The following CACNB3 variants were observed in gnomAD, a reference collection of about 807,000 sequenced individuals.
CACNB3 encodes voltage-dependent L-type calcium channel subunit beta-3.
In CACNB3, 36 loss-of-function variants were observed where a neutral mutation model predicts 63.7. The observed-to-expected ratio is 0.57, with a 90% CI of 0.43 to 0.75. CACNB3 has a LOEUF of 0.75. Ranked by LOEUF, CACNB3 falls within the 30% of genes least tolerant of loss-of-function variation. The probability of loss-of-function intolerance (pLI) is 0.00; values close to 1 mark genes in which losing one functional copy is unlikely to be tolerated. For synonymous variants in CACNB3, 241 were observed against 250.6 expected (o/e 0.96, Z 0.36); for missense variants, 493 against 648.6 (o/e 0.76, Z 2.61).
At chr12:48,814,949 A>T, upstream of CACNB3, 1 of 190,068 alleles carries the variant, frequency 5.3e-6, no homozygotes, top group Non-Finnish European at 1.1e-5. The surrounding 1 kb of genome is among the most constrained non-coding windows in gnomAD (Gnocchi z 6.9). Context: ...ACCAGAACCC[A>T]GGAGAGGGGG....
At chr12:48,824,159 C>A in intron 3 of CACNB3, 99 bp from the exon 4 acceptor site, 2 of 1,019,640 alleles carry the variant, frequency 2.0e-6, no homozygotes, top group Non-Finnish European at 2.9e-6. Flanking sequence ...ATTCCTCAGA[C>A]CAGCTCAGTG....
chr12:48,824,296 A>G lies in CACNB3; in HGVS notation c.330A>G (p.Lys110=), dbSNP rs1393604392. 4 of 1,613,400 alleles carry G rather than the reference A, an allele frequency of 2.5e-6. No homozygotes were observed. Among genetic ancestry groups the G allele is most frequent in the South Asian group, 1.1e-5 (1 of 90,800 alleles). ...SNDWWIGRLV[K]EGGDIAFIPS... ...ACTGGTGGATCGGGCGGCTAGTGAA[A>G]GAGGGCGGGGACATCGCCTTCATCC... Residue 110 remains lysine (K), a synonymous_variant, in exon 4 of 13, where the codon AAA becomes AAG. Coordinates refer to ENST00000301050, the MANE Select transcript of CACNB3 (RefSeq NM_000725.4).
Position 48,824,744 on chromosome 12 carries a change from C to T in CACNB3, c.472+11C>T. 6.2e-7 allele frequency: 1 copy of T among 1,613,184 alleles called. No homozygotes were observed. Among genetic ancestry groups the T allele is most frequent in the Non-Finnish European group, 8.5e-7 (1 of 1,179,560 alleles). Reference sequence around the variant, plus strand: ...CTCCGCCATCTCTAGGTAGCCTCCCCCCAACCCACCCATTTTGGGTAGGTG... The same window carrying T: ...CTCCGCCATCTCTAGGTAGCCTCCCTCCAACCCACCCATTTTGGGTAGGTG... On this transcript the variant is annotated intron_variant, in intron 5 of 12. Transcript: ENST00000301050.
Position 48,823,268 on chromosome 12 carries a change from CTG to C in CACNB3, c.46-74_46-73del. ...GAAACTGGGGGCAATAGAGGCAACA[CTG>C]TAAGGTGAGGAGGGTGCCTCCATGG... is the stretch of plus-strand genomic sequence containing the variant. On this transcript the variant is annotated intron_variant, in intron 1 of 12. Transcript: ENST00000301050. The surrounding 1 kb of genome is among the most constrained non-coding windows in gnomAD (Gnocchi z 4.2). 6.4e-7 allele frequency: 1 copy of C among 1,561,408 alleles called. No individual in the cohort carries two copies. Among genetic ancestry groups the C allele is most frequent in the Admixed American group, 1.8e-5 (1 of 55,494 alleles).
chr12:48,824,701 T>A lies in CACNB3; in HGVS notation c.440T>A (p.Ile147Asn), dbSNP rs1158914883. 1 of 1,613,820 alleles carries A rather than the reference T, an allele frequency of 6.2e-7. No individual in the cohort carries two copies. The highest frequency in any genetic ancestry group is 1.7e-5 in the Admixed American group (1 of 59,986). ...GGGAACCCTTCCAGCCTGAGTGACA[T>A]TGGCAACCGACGCTCCCCTCCGCCA... Reference protein sequence around the residue: ...RSGNPSSLSDIGNRRSPPPSL... With the variant: ...RSGNPSSLSDNGNRRSPPPSL... The change falls in exon 5 of 13, where the codon ATT becomes AAT. Residue 147 changes from isoleucine to asparagine, a missense_variant. Ile to Asn is a moderately radical substitution (Grantham distance 149). Transcript: ENST00000301050.
intron 4 of CACNB3, 61 bp downstream of exon 4, chr12:48,824,434 C>T: frequency 7.1e-7 from 1 of 1,416,104 alleles, no homozygotes; most frequent in Non-Finnish European, 9.7e-7. Flanking sequence ...ACCCACAGGA[C>T]ACGTCACCAT....
chr12:48,824,090 T>TG (rs1407656291), intron 3 of CACNB3, 168 bp from the exon 4 acceptor site: 29 of 689,082 alleles, frequency 4.2e-5, no homozygotes, highest in Non-Finnish European at 7.0e-5. Context: ...AAATCCTGGG[T>TG]GGCCCGAACT....
chr12:48,819,348 G>A (rs1243753354), intron 1 of CACNB3, among the ~76,000 whole-genome samples: 2 of 152,144 alleles, frequency 1.3e-5, no homozygotes, highest in African/African-American at 4.8e-5. Flanking sequence ...GAACACAACA[G>A]CTAGGAGAGC....
chr12:48,815,427 GGA>G, upstream of CACNB3: 1 of 719,230 alleles, frequency 1.4e-6, no homozygotes, highest in Middle Eastern at 4.2e-4. Flanking sequence ...AGACGGAAGT[GGA>G]GAGAGGCTGG....
chr12:48,818,569 C>T lies in CACNB3; in HGVS notation c.-361C>T. 9.4e-7 allele frequency: 1 copy of T among 1,066,102 alleles called. No homozygotes were observed. The highest frequency in any genetic ancestry group is 1.1e-6 in the Non-Finnish European group (1 of 882,812). 66.0% of individuals were successfully genotyped at this position (1,066,102 alleles called of 1,614,324 possible). A position where few individuals can be genotyped will look rare whatever the true frequency, so the allele number is the denominator to read the frequency against. ...TTCCACCTAGCACGGGTTCGTTCCC[C>T]TCTCCCGGCCTGGCCCGGGCTCCCC... On this transcript the variant is annotated 5_prime_UTR_variant, in exon 1 of 13. Transcript: ENST00000301050. This position sits in a 1 kb window ranked among gnomAD's most constrained non-coding sequence, Gnocchi z 4.3.
Position 48,824,312 on chromosome 12 carries a change from G to T in CACNB3, c.346G>T (p.Ala116Ser). Reference sequence around the variant, plus strand: ...GCTAGTGAAAGAGGGCGGGGACATCGCCTTCATCCCCAGCCCCCAGCGCCT... The same window carrying T: ...GCTAGTGAAAGAGGGCGGGGACATCTCCTTCATCCCCAGCCCCCAGCGCCT... ...GRLVKEGGDI[A>S]FIPSPQRLES... The change falls in exon 4 of 13, where the codon GCC becomes TCC. Residue 116 changes from alanine (A) to serine (S), a missense_variant. Physicochemically the swap from Ala to Ser is moderately conservative, Grantham distance 99 (BLOSUM62 1). Coordinates refer to ENST00000301050, the MANE Select transcript of CACNB3 (RefSeq NM_000725.4). 2 of 1,612,972 alleles carry T rather than the reference G, an allele frequency of 1.2e-6. No individual in the cohort carries two copies. The highest frequency in any genetic ancestry group is 1.7e-6 in the Non-Finnish European group (2 of 1,179,734).
chr12:48,815,739 GGGGGGTGTGGGGTCGTGGGAAGGGGGTT>G, upstream of CACNB3: 1 of 1,405,838 alleles, frequency 7.1e-7, no homozygotes. Context: ...GTAACCGTGG[GGGGGGTGTGGGGTCGTGGGAAGGGGGTT>G]CCCCACTGGG....
At position 48,828,901 on chromosome 12, in the gene CACNB3, C is replaced by A. The variant is rs1465519706; in HGVS notation, c.*1002C>A. On this transcript the variant is annotated 3_prime_UTR_variant, in exon 13 of 13. Transcript: ENST00000301050. ...ACAGAGCATGCTCCACAAGCCCCTG[C>A]CTCACCTCACTGTCATCACTAATAA... 40 of 380,914 alleles carry A rather than the reference C, an allele frequency of 1.1e-4. No individual in the cohort carries two copies. The Admixed American group carries it at 1.2e-3, about 11-fold the overall frequency. The allele number at this position is 380,914 out of a possible 1,614,324, so 23.6% of individuals were successfully genotyped here. A position where few individuals can be genotyped will look rare whatever the true frequency, so the allele number is the denominator to read the frequency against.
chr12:48,824,133 C>T, intron 3 of CACNB3, 125 bp from the exon 4 acceptor site: 2 of 831,830 alleles, frequency 2.4e-6, no homozygotes, highest in Non-Finnish European at 3.8e-6. Context: ...CTTCTGCCCA[C>T]CGCCCCTTGC....
At position 48,825,263 on chromosome 12, in the gene CACNB3, C is replaced by T. The variant is rs1385862430; in HGVS notation, c.573+20C>T. ...TATGAGGTGAGAGGAGGTCCTTGACCCCAAAGAGTCACCTCTACCAAGCCT... is the reference window on the plus strand; with the variant it reads ...TATGAGGTGAGAGGAGGTCCTTGACTCCAAAGAGTCACCTCTACCAAGCCT... On this transcript the variant is annotated intron_variant, in intron 7 of 12. Transcript: ENST00000301050. The surrounding 1 kb of genome is among the most constrained non-coding windows in gnomAD (Gnocchi z 4.5). 1 of 1,609,592 alleles carries T rather than the reference C, an allele frequency of 6.2e-7. No homozygotes were observed. Among genetic ancestry groups the T allele is most frequent in the Non-Finnish European group, 8.5e-7 (1 of 1,176,514 alleles).
upstream of CACNB3, chr12:48,818,434 T>A (rs145744669): frequency 6.1e-6 from 6 of 987,106 alleles, no homozygotes; most frequent in Non-Finnish European, 1.2e-6. The surrounding 1 kb of genome is among the most constrained non-coding windows in gnomAD (Gnocchi z 4.3). Flanking sequence ...CGTCTCTGTC[T>A]CCGCATCTCT....
At chr12:48,814,738 C>G (rs1032392018), upstream of CACNB3, among the ~76,000 whole-genome samples, 1 of 152,184 alleles carries the variant, frequency 6.6e-6, no homozygotes, top group Non-Finnish European at 1.5e-5. The surrounding 1 kb of genome is among the most constrained non-coding windows in gnomAD (Gnocchi z 6.9). Context: ...CGGGGTGCGT[C>G]CCCCCTGCTC....
At position 48,823,582 on chromosome 12, in the gene CACNB3, G is replaced by T; in HGVS notation, c.169-99G>T. 1 of 1,602,126 alleles carries T rather than the reference G, an allele frequency of 6.2e-7. No individual in the cohort carries two copies. Among genetic ancestry groups the T allele is most frequent in the Admixed American group, 1.7e-5 (1 of 59,338 alleles). ...TGTCCTTGAGTGTGAGAGGGTGTGT[G>T]TGATGGGCAGAGGCCACGGCCTTCT... On this transcript the variant is annotated intron_variant, in intron 2 of 12. Transcript: ENST00000301050. This position sits in a 1 kb window ranked among gnomAD's most constrained non-coding sequence, Gnocchi z 4.2.
Position 48,818,680 on chromosome 12 carries a change from AGATTCC to A in CACNB3, c.-249_-244del, listed in dbSNP as rs1235268316. On this transcript the variant is annotated 5_prime_UTR_variant, in exon 1 of 13. Transcript: ENST00000301050. This position sits in a 1 kb window ranked among gnomAD's most constrained non-coding sequence, Gnocchi z 4.3. ...CACTATTGTTGTAGGAGCCGGCGCC[AGATTCC>A]TCAGCCGCGCTCGGGGTGGGACCGG... 3.4e-6 allele frequency: 4 copies of A among 1,187,376 alleles called. No individual in the cohort carries two copies. In the East Asian group the frequency reaches 1.3e-4, roughly 38 times the overall value. The allele number at this position is 1,187,376 out of a possible 1,614,324, so 73.6% of individuals were successfully genotyped here. A position where few individuals can be genotyped will look rare whatever the true frequency, so the allele number is the denominator to read the frequency against.
Sources: gnomAD v4.1 joint callset for allele counts (sites outside exome capture counted in the v4.1 genomes callset) on GRCh38, gnomAD v4.1.1 for gene constraint, Gnocchi (gnomAD v3.1) non-coding constraint, MANE v1.5 for transcripts, NCBI Gene and HGNC (gene_info 2026-07-23, HGNC 2026-07-21) for gene names.